The following IGHMBP2 variants were observed in gnomAD, a reference collection of about 807,000 sequenced individuals.
The protein encoded by IGHMBP2 is DNA-binding protein SMUBP-2.
A neutral mutation model predicts 96.0 loss-of-function variants in IGHMBP2; 81 were observed. The ratio of observed to expected loss-of-function variants is 0.84; its 90% CI spans 0.71 to 1.01. The LOEUF (loss-of-function observed/expected upper bound fraction) is 1.01, where lower values mean the gene tolerates loss of function less well. Ranked by LOEUF, IGHMBP2 falls within the 50% of genes least tolerant of loss-of-function variation. The probability of loss-of-function intolerance (pLI) is 0.00; values close to 1 mark genes in which losing one functional copy is unlikely to be tolerated. For synonymous variants in IGHMBP2, 557 were observed against 548.9 expected, an observed-to-expected ratio of 1.01 and a Z score of -0.21; for missense variants, 1,227 against 1,306.3, an observed-to-expected ratio of 0.94 and a Z score of 0.94.
chr11:68,940,109 C>T lies in IGHMBP2; in HGVS notation c.*378C>T, dbSNP rs1859698610. 1.2e-5 allele frequency: 3 copies of T among 243,090 alleles called. No homozygotes were observed. The highest frequency in any genetic ancestry group is 7.0e-5 in the South Asian group (1 of 14,268). 15.1% of individuals were successfully genotyped at this position (243,090 alleles called of 1,614,324 possible). On this transcript the variant is annotated 3_prime_UTR_variant, in exon 15 of 15. Transcript: ENST00000255078. ...ATGTCTGGGACTTGCCAGCTCAGCC[C>T]GTTAGGATGAGGGTGCTGAGAGGAA...
At chr11:68,910,351 G>A (rs1167304094) in intron 4 of IGHMBP2, among the ~76,000 whole-genome samples, 4 of 152,332 alleles carry the variant, frequency 2.6e-5, no homozygotes, top group South Asian at 4.1e-4. Context: ...CTGTGTCTTA[G>A]GGACTCTGGA....
rs111780234 is a variant in IGHMBP2 at position 68,906,290 on chromosome 11, G to A, written c.256+52G>A. On this transcript the variant is annotated intron_variant, in intron 2 of 14. Coordinates refer to ENST00000255078, the MANE Select transcript of IGHMBP2 (RefSeq NM_002180.3). ...ATTGAAATTTACTGGCATTCAGACCGTGACTTGTACCCTCGTAAAGACTGG... is the reference window on the plus strand; with the variant it reads ...ATTGAAATTTACTGGCATTCAGACCATGACTTGTACCCTCGTAAAGACTGG... The A allele has an allele frequency of 4.3e-5, 68 of 1,574,386 alleles. No individual in the cohort carries two copies. In the African/African-American group the frequency reaches 5.7e-4, roughly 13 times the overall value.
intron 4 of IGHMBP2, among the ~76,000 whole-genome samples, chr11:68,910,388 G>C (rs992464632): frequency 6.6e-6 from 1 of 152,212 alleles, no homozygotes; most frequent in African/African-American, 2.4e-5. Context: ...ACGGGAACGT[G>C]GGGTTCAATG....
chr11:68,936,470 A>C lies in IGHMBP2; in HGVS notation c.1990A>C (p.Thr664Pro), dbSNP rs1310268610. 3.1e-6 allele frequency: 5 copies of C among 1,613,722 alleles called. No homozygotes were observed. The highest frequency in any genetic ancestry group is 4.2e-6 in the Non-Finnish European group (5 of 1,179,994). Residue 664 changes from threonine (T) to proline (P), a missense_variant, in exon 13 of 15, where the codon ACC becomes CCC. This residue lies in a region of IGHMBP2 where 703 missense variants were observed against 770.3 expected (regional missense o/e 0.91). Transcript: ENST00000255078. ...CTCCCAGGGTTCCAGCCACGCTGCC[A>C]CCAAGCCCCAGGGACCTGCTACGTC... is the stretch of plus-strand genomic sequence containing the variant. ...ENSQGSSHAA[T>P]KPQGPATSTR...
rs374185933 is a variant in IGHMBP2, at chr11:68,934,523, C to T, written c.1597C>T (p.Arg533Cys). The change falls in exon 11 of 15, where the codon CGT becomes TGT. Residue 533 changes from arginine (R) to cysteine (C), a missense_variant. Transcript: ENST00000255078. ...TCTGGTGGACGCTGGTGTTCCAGCCCGTGACATTGCTGTGGTCTCGCCATA... is the reference window on the plus strand; with the variant it reads ...TCTGGTGGACGCTGGTGTTCCAGCCTGTGACATTGCTGTGGTCTCGCCATA... ...QALVDAGVPARDIAVVSPYNL... is the reference protein window; with the variant it reads ...QALVDAGVPACDIAVVSPYNL... The T allele has an allele frequency of 1.3e-5, 21 of 1,612,906 alleles. No homozygotes were observed. The highest frequency in any genetic ancestry group is 2.2e-5 in the South Asian group (2 of 90,726).
chr11:68,905,080 G>A (rs1468124762), intron 1 of IGHMBP2, among the ~76,000 whole-genome samples: 1 of 152,228 alleles, frequency 6.6e-6, no homozygotes, highest in Non-Finnish European at 1.5e-5. Context: ...ACAGGCGTGA[G>A]CCACCGTGCC....
Position 68,921,997 on chromosome 11 carries a change from C to T in IGHMBP2, c.1060+4114C>T, listed in dbSNP as rs138380904. On this transcript the variant is annotated intron_variant, in intron 7 of 14. Coordinates refer to ENST00000255078, the MANE Select transcript of IGHMBP2 (RefSeq NM_002180.3). ...GAAATTGGTCATCCTTATCCTTGTT[C>T]CTTTGTATGTAACGTGTCTTTTTTC... 1.4e-3 allele frequency among the ~76,000 whole-genome samples: 214 copies of T among 152,238 alleles called. 1 individual carries two copies. The highest frequency in any genetic ancestry group is 4.7e-3 in the African/African-American group (196 of 41,544).
chr11:68,936,502 G>A lies in IGHMBP2; in HGVS notation c.2022G>A (p.Arg674=), dbSNP rs111366439. The A allele has an allele frequency of 1.9e-5, 31 of 1,613,706 alleles. No homozygotes were observed. The African/African-American group carries it at 3.6e-4, about 19-fold the overall frequency. ...TKPQGPATST[R]TGSQRQEGGQ... The stretch of plus-strand genomic sequence containing the variant: ...CCCAGGGACCTGCTACGTCCACCAG[G>A]ACCGGAAGCCAGCGGCAGGAGGGAG... Residue 674 remains arginine (R), a synonymous_variant, in exon 13 of 15, where the codon AGG becomes AGA. Coordinates refer to ENST00000255078, the MANE Select transcript of IGHMBP2 (RefSeq NM_002180.3).
At chr11:68,935,988 G>C (rs993750305) in intron 12 of IGHMBP2, among the ~76,000 whole-genome samples, 12 of 152,204 alleles carry the variant, frequency 7.9e-5, no homozygotes, top group African/African-American at 2.9e-4. Flanking sequence ...GGCCCCTGAG[G>C]CTGGGCTTAG....
intron 11 of IGHMBP2, 71 bp downstream of exon 11, chr11:68,934,629 G>A (rs1234983208): frequency 1.4e-5 from 17 of 1,222,778 alleles, no homozygotes; most frequent in Non-Finnish European, 1.4e-5. Context: ...GAAAGAAAAA[G>A]GGTGATTTGT....
At chr11:68,912,422 GC>G (rs1858475541) in intron 5 of IGHMBP2, among the ~76,000 whole-genome samples, 1 of 151,984 alleles carries the variant, frequency 6.6e-6, no homozygotes, top group Admixed American at 6.6e-5. Context: ...GAGCCACTGT[GC>G]CCGGCCCAGT....
chr11:68,921,890 C>T (rs763507099), intron 7 of IGHMBP2, among the ~76,000 whole-genome samples: 69 of 152,172 alleles, frequency 4.5e-4, no homozygotes, highest in Admixed American at 7.2e-4. Context: ...ATTTTTGCTG[C>T]GTGAGAATTC....
At position 68,939,515 on chromosome 11, in the gene IGHMBP2, A is replaced by G. The variant is rs775213232; in HGVS notation, c.2785-19A>G. 5.0e-6 allele frequency: 8 copies of G among 1,611,182 alleles called. No individual in the cohort carries two copies. The highest frequency in any genetic ancestry group is 6.8e-6 in the Non-Finnish European group (8 of 1,179,892). On this transcript the variant is annotated intron_variant, in intron 14 of 14. Transcript: ENST00000255078. ...CCTTGCCCCTGTGAGCCCAGCAGTG[A>G]TTCTTGTGTCCTCCCCAGATCCATG...
intron 6 of IGHMBP2, among the ~76,000 whole-genome samples, chr11:68,916,025 TTA>T (rs1858653365): frequency 6.6e-6 from 1 of 151,714 alleles, no homozygotes; most frequent in Non-Finnish European, 1.5e-5. Flanking sequence ...AATACAAAAA[TTA>T]GCTGAGCATG....
chr11:68,917,106 G>A (rs574603194), intron 6 of IGHMBP2, among the ~76,000 whole-genome samples: 2 of 148,288 alleles, frequency 1.3e-5, no homozygotes, highest in African/African-American at 2.5e-5. Context: ...TCAGCCTCCC[G>A]AGTAGCTGGG....
intron 6 of IGHMBP2, among the ~76,000 whole-genome samples, chr11:68,917,105 C>T (rs1319528773): frequency 2.0e-5 from 3 of 151,320 alleles, no homozygotes; most frequent in Middle Eastern, 3.4e-3. Flanking sequence ...CTCAGCCTCC[C>T]GAGTAGCTGG....
At chr11:68,914,469 C>T (rs994219057) in intron 5 of IGHMBP2, among the ~76,000 whole-genome samples, 1 of 152,164 alleles carries the variant, frequency 6.6e-6, no homozygotes, top group East Asian at 1.9e-4. Flanking sequence ...TACAGATGGG[C>T]AGGCTGTGGG....
intron 12 of IGHMBP2, 78 bp from the exon 13 acceptor site, chr11:68,936,159 T>C (rs1437957216): frequency 2.1e-5 from 33 of 1,541,554 alleles, no homozygotes; most frequent in Non-Finnish European, 2.8e-5. Flanking sequence ...TTGGTGGTGG[T>C]TACTGATAAG....
intron 7 of IGHMBP2, among the ~76,000 whole-genome samples, chr11:68,922,260 T>C (rs1396970414): frequency 6.6e-6 from 1 of 151,314 alleles, no homozygotes; most frequent in Non-Finnish European, 1.5e-5. Context: ...GAGATTGCAG[T>C]GAGCTGAGAT....
Sources: gnomAD v4.1 joint callset for allele counts (sites outside exome capture counted in the v4.1 genomes callset) on GRCh38, gnomAD v4.1.1 for gene constraint, gnomAD v4.1.1 regional missense constraint, MANE v1.5 for transcripts, NCBI Gene and HGNC (gene_info 2026-07-23, HGNC 2026-07-21) for gene names.